UBE2R2: variants seen among roughly 807,000 people sequenced by gnomAD.
UBE2R2 encodes the protein ubiquitin conjugating enzyme E2 R2.
UBE2R2 carries 1 observed loss-of-function variant against 27.8 expected under a neutral mutation model. The observed-to-expected ratio is 0.04, with a 90% CI of 0.01 to 0.17. The LOEUF (loss-of-function observed/expected upper bound fraction) is 0.17. Ranked by LOEUF, UBE2R2 falls within the 10% of genes least tolerant of loss-of-function variation. The pLI is 1.00. For synonymous variants in UBE2R2, 106 were observed against 113.3 expected, an observed-to-expected ratio of 0.94 and a Z score of 0.41; for missense variants, 100 against 291.0, an observed-to-expected ratio of 0.34 and a Z score of 4.78.
chr9:33,899,303 G>A (rs1011026028), intron 2 of UBE2R2, among the ~76,000 whole-genome samples: 2 of 152,078 alleles, frequency 1.3e-5, no homozygotes, highest in Non-Finnish European at 2.9e-5. Flanking sequence ...GGGTTCAAGC[G>A]ATTCTCCTGC....
chr9:33,906,069 AAGTT>A (rs1377833947), intron 3 of UBE2R2, among the ~76,000 whole-genome samples: 2 of 152,032 alleles, frequency 1.3e-5, no homozygotes, highest in African/African-American at 2.4e-5. Flanking sequence ...GGCGTGAAGT[AAGTT>A]CAGGTTTTGT....
chr9:33,869,084 A>G (rs1303209749), intron 1 of UBE2R2, among the ~76,000 whole-genome samples: 1 of 152,056 alleles, frequency 6.6e-6, no homozygotes, highest in East Asian at 1.9e-4. Flanking sequence ...CCTGGGCAAT[A>G]TGGCAGAATC....
intron 2 of UBE2R2, among the ~76,000 whole-genome samples, chr9:33,898,738 C>G (rs1242171043): frequency 6.6e-6 from 1 of 152,062 alleles, no homozygotes; most frequent in Non-Finnish European, 1.5e-5. Context: ...GCACTACAGC[C>G]TAGGTAACAT....
intron 3 of UBE2R2, among the ~76,000 whole-genome samples, chr9:33,906,249 A>C (rs1822354204): frequency 6.6e-6 from 1 of 152,090 alleles, no homozygotes; most frequent in African/African-American, 2.4e-5. Context: ...CAGCCTCCCA[A>C]GTACTTGGGA....
At chr9:33,892,132 T>C (rs939443295) in intron 2 of UBE2R2, among the ~76,000 whole-genome samples, 6 of 152,106 alleles carry the variant, frequency 3.9e-5, no homozygotes, top group African/African-American at 7.2e-5. Flanking sequence ...TCTATTTCCT[T>C]TCTGCTTTGC....
intron 2 of UBE2R2, among the ~76,000 whole-genome samples, chr9:33,893,030 A>G (rs1334578783): frequency 6.6e-6 from 1 of 152,202 alleles, no homozygotes; most frequent in African/African-American, 2.4e-5. Flanking sequence ...AGCTATAATC[A>G]TGCTACTGCA....
intron 4 of UBE2R2, among the ~76,000 whole-genome samples, chr9:33,915,224 T>C (rs1204160121): frequency 6.6e-6 from 1 of 152,146 alleles, no homozygotes; most frequent in Non-Finnish European, 1.5e-5. Flanking sequence ...TATAAAAATA[T>C]TTAAGCTGTA....
intron 1 of UBE2R2, among the ~76,000 whole-genome samples, chr9:33,877,722 C>T (rs1821636086): frequency 6.6e-6 from 1 of 151,902 alleles, no homozygotes; most frequent in African/African-American, 2.4e-5. Context: ...GTATTATAAT[C>T]TAAGGGCAAG....
Position 33,918,777 on chromosome 9 carries a change from T to C in UBE2R2, c.*1540T>C, listed in dbSNP as rs1822720763. The C allele has an allele frequency of 6.6e-6, 1 of 152,598 alleles. No homozygotes were observed. The highest frequency in any genetic ancestry group is 1.5e-5 in the Non-Finnish European group (1 of 68,064). 9.5% of individuals were successfully genotyped at this position (152,598 alleles called of 1,614,324 possible). A position where few individuals can be genotyped will look rare whatever the true frequency, so the allele number is the denominator to read the frequency against. On this transcript the variant is annotated 3_prime_UTR_variant, in exon 5 of 5. Coordinates refer to ENST00000263228, the MANE Select transcript of UBE2R2 (RefSeq NM_017811.4). ...CTGGGCACTAGTGTCAACTCCTCCT[T>C]TGGCTCGTAACTCAGAAAGAACCAA...
chr9:33,831,074 C>CAAAAAAAAA (rs60428230), intron 1 of UBE2R2: 14 of 88,212 alleles, frequency 1.6e-4, no homozygotes, highest in East Asian at 2.4e-4. Flanking sequence ...ACTGAACTAG[C>CAAAAAAAAA]AAAAAAAAAA....
chr9:33,815,969 G>A (rs1177296903), upstream of UBE2R2, among the ~76,000 whole-genome samples: 1 of 152,130 alleles, frequency 6.6e-6, no homozygotes, highest in African/African-American at 2.4e-5. Context: ...AGCTACTTGG[G>A]AGGCTGAGGT....
At chr9:33,832,404 C>G (rs554080169) in intron 1 of UBE2R2, among the ~76,000 whole-genome samples, 5 of 151,384 alleles carry the variant, frequency 3.3e-5, no homozygotes, top group African/African-American at 1.2e-4. Flanking sequence ...TGCCTGTAAT[C>G]CCAGCACTTT....
At chr9:33,835,003 A>G (rs2130731665) in intron 1 of UBE2R2, among the ~76,000 whole-genome samples, 1 of 152,242 alleles carries the variant, frequency 6.6e-6, no homozygotes, top group East Asian at 1.9e-4. Context: ...CATTTCCCAG[A>G]GTAATGAGTA....
chr9:33,822,275 G>C (rs530590060), intron 1 of UBE2R2, among the ~76,000 whole-genome samples: 1 of 151,826 alleles, frequency 6.6e-6, no homozygotes, highest in African/African-American at 2.4e-5. Flanking sequence ...ATTTTTGGTA[G>C]AGACGAGGTT....
chr9:33,862,289 C>T (rs1821257749), intron 1 of UBE2R2, among the ~76,000 whole-genome samples: 1 of 152,194 alleles, frequency 6.6e-6, no homozygotes, highest in Middle Eastern at 3.4e-3. Context: ...GACTTTTGCT[C>T]CTTCATATCT....
chr9:33,911,428 A>AAAAAAAAC (rs1822487524), intron 3 of UBE2R2, among the ~76,000 whole-genome samples: 2 of 139,384 alleles, frequency 1.4e-5, no homozygotes, highest in Non-Finnish European at 3.1e-5. Context: ...AAAAAAAAAA[A>AAAAAAAAC]AAAAAAACCT....
At chr9:33,894,344 A>G in intron 2 of UBE2R2, among the ~76,000 whole-genome samples, 1 of 152,156 alleles carries the variant, frequency 6.6e-6, no homozygotes, top group Non-Finnish European at 1.5e-5. Context: ...TTTGCTTTGC[A>G]TTACCCACAT....
chr9:33,835,676 G>GT (rs1267163712), intron 1 of UBE2R2, among the ~76,000 whole-genome samples: 1 of 151,370 alleles, frequency 6.6e-6, no homozygotes, highest in African/African-American at 2.4e-5. Flanking sequence ...GAGCCCACGA[G>GT]TTCAAGACCA....
intron 1 of UBE2R2, among the ~76,000 whole-genome samples, chr9:33,850,000 TCTGCCTATATCTATATTTTTTC>T (rs1429952820): frequency 6.6e-6 from 1 of 152,158 alleles, no homozygotes; most frequent in Admixed American, 6.6e-5. Context: ...TACAAGTTTG[TCTGCCTATATCTATATTTTTTC>T]CTGCCTCCAA....
Sources: gnomAD v4.1 joint callset for allele counts (sites outside exome capture counted in the v4.1 genomes callset) on GRCh38, gnomAD v4.1.1 for gene constraint, MANE v1.5 for transcripts, NCBI Gene and HGNC (gene_info 2026-07-23, HGNC 2026-07-21) for gene names.